Variants in AMZ2 observed in about 807,000 individuals in gnomAD.
AMZ2 encodes archaemetzincin-2.
A neutral mutation model predicts 36.7 loss-of-function variants in AMZ2; 26 were observed. The ratio of observed to expected loss-of-function variants is 0.71; its 90% CI spans 0.52 to 0.98. AMZ2 has a LOEUF of 0.98. Among genes scored for constraint, AMZ2 ranks in the 50% least tolerant of loss-of-function variants. The probability of loss-of-function intolerance (pLI) is 0.00; values close to 1 mark genes in which losing one functional copy is unlikely to be tolerated. For missense variants in AMZ2, 394 were observed against 430.5 expected (o/e 0.92, Z 0.75); for synonymous variants, 144 against 149.1 (o/e 0.97, Z 0.25).
intron 2 of AMZ2, 132 bp from the exon 3 acceptor site, chr17:68,250,662 C>A: frequency 8.6e-7 from 1 of 1,165,014 alleles, no homozygotes; most frequent in Non-Finnish European, 1.2e-6. Flanking sequence ...CATAGCAACA[C>A]CAATGAATGA....
chr17:68,230,416 C>T (rs2073630898), intron 1 of AMZ2, among the ~76,000 whole-genome samples: 1 of 152,230 alleles, frequency 6.6e-6, no homozygotes. Flanking sequence ...TGAGCCCCTC[C>T]ATGCGTGCCC....
In AMZ2 at chr17:68,248,437, T is replaced by C. The variant is rs3764855; in HGVS notation, c.-269T>C. 0.58 allele frequency: 569,525 copies of C among 986,050 alleles called. 168,696 individuals carry two copies. Among genetic ancestry groups the C allele is most frequent in the African/African-American group, 0.9 (51,871 of 57,338 alleles). The allele number at this position is 986,050 out of a possible 1,614,324, so 61.1% of individuals were successfully genotyped here. A position where few individuals can be genotyped will look rare whatever the true frequency, so the allele number is the denominator to read the frequency against. The stretch of plus-strand genomic sequence containing the variant: ...CAACCAGCCAGGGTGGCCAGCTCCT[T>C]CCCGTTTGCCCGTGATGTTCTGGTT... On this transcript the variant is annotated 5_prime_UTR_variant, in exon 1 of 7. Transcript: ENST00000359904.
At chr17:68,245,200 TAAA>T (rs71355810), upstream of AMZ2, among the ~76,000 whole-genome samples, 82 of 141,664 alleles carry the variant, frequency 5.8e-4, no homozygotes, top group Non-Finnish European at 1.1e-3. Context: ...CCTTCTAATG[TAAA>T]AAAAAAAAAA....
intron 6 of AMZ2, among the ~76,000 whole-genome samples, chr17:68,256,371 A>T (rs1415243461): frequency 6.6e-6 from 1 of 152,216 alleles, no homozygotes; most frequent in Non-Finnish European, 1.5e-5. Context: ...GTGTCTACTC[A>T]TGGGTATGAC....
chr17:68,214,676 AG>A (rs1794517386), intron 1 of AMZ2, among the ~76,000 whole-genome samples: 2 of 152,160 alleles, frequency 1.3e-5, no homozygotes, highest in Admixed American at 1.3e-4. Context: ...TTTTAGTTGG[AG>A]ATCAGACTTT....
At chr17:68,221,737 A>T (rs5821646) in intron 1 of AMZ2, among the ~76,000 whole-genome samples, 1 of 41,032 alleles carries the variant, frequency 2.4e-5, no homozygotes, top group East Asian at 8.7e-4. Context: ...TAAAAAAAAG[A>T]AAAAAAAAAA....
intron 4 of AMZ2, among the ~76,000 whole-genome samples, chr17:68,252,534 C>T (rs12936001): frequency 6.6e-6 from 1 of 152,150 alleles, no homozygotes; most frequent in Non-Finnish European, 1.5e-5. Flanking sequence ...GACAGAGTCT[C>T]CCTCTGTCAC....
upstream of AMZ2, among the ~76,000 whole-genome samples, chr17:68,246,193 T>TAAAAAAAA (rs2074001260): frequency 4.8e-5 from 1 of 20,848 alleles, no homozygotes; most frequent in African/African-American, 2.1e-4. Context: ...CTACTAAAAA[T>TAAAAAAAA]ACAAAAAAAA....
At chr17:68,254,331 C>T in intron 4 of AMZ2, 73 bp from the exon 5 acceptor site, 2 of 1,454,158 alleles carry the variant, frequency 1.4e-6, no homozygotes. Context: ...GATGGGCCAG[C>T]AGTCTCTTCT....
chr17:68,255,245 A>T (rs1555742082), intron 5 of AMZ2, among the ~76,000 whole-genome samples: 3 of 152,168 alleles, frequency 2.0e-5, no homozygotes, highest in African/African-American at 7.2e-5. Context: ...CAGCATCTCT[A>T]GGGGAAGAGC....
intron 1 of AMZ2, among the ~76,000 whole-genome samples, chr17:68,233,649 C>G (rs1376324252): frequency 1.3e-5 from 2 of 151,950 alleles, no homozygotes; most frequent in Admixed American, 6.6e-5. Context: ...ACATCATTCT[C>G]TCTATGAGCT....
chr17:68,247,805 G>A, upstream of AMZ2: 2 of 985,574 alleles, frequency 2.0e-6, no homozygotes, highest in Non-Finnish European at 2.4e-6. Flanking sequence ...GAGCGCAAGC[G>A]AGGAATCGGC....
intron 1 of AMZ2, among the ~76,000 whole-genome samples, chr17:68,225,061 G>A (rs1319635259): frequency 5.3e-5 from 8 of 151,790 alleles, no homozygotes; most frequent in East Asian, 3.9e-4. Flanking sequence ...GCATGCTGGC[G>A]TGCACCTGTA....
intron 1 of AMZ2, chr17:68,206,353 C>G (rs568770249): frequency 6.1e-5 from 67 of 1,089,686 alleles, no homozygotes; most frequent in Non-Finnish European, 7.1e-5. Flanking sequence ...CGCCTCCCCC[C>G]CAAACAGAGG....
At chr17:68,250,148 T>C in intron 1 of AMZ2, 40 bp from the exon 2 acceptor site, 1 of 1,584,004 alleles carries the variant, frequency 6.3e-7, no homozygotes, top group South Asian at 1.1e-5. Context: ...CCAATGTAGA[T>C]ATGTATTTTT....
rs1555741723 is a variant in AMZ2 at position 68,254,525 on chromosome 17, T to C, written c.708T>C (p.Tyr236=). Residue 236 remains tyrosine (Y), a synonymous_variant, in exon 5 of 7, where the codon TAT becomes TAC. Transcript: ENST00000359904. ...ACTATTCAATTTTCGACAACTATTA[T>C]ATTCCAGAAATAACTAGTGTTTTAC... is the stretch of plus-strand genomic sequence containing the variant. ...SSDYSIFDNY[Y]IPEITSVLLL... is the part of the protein sequence containing the mutation. 1.2e-6 allele frequency: 2 copies of C among 1,613,236 alleles called. No homozygotes were observed. The highest frequency in any genetic ancestry group is 1.7e-6 in the Non-Finnish European group (2 of 1,179,442).
chr17:68,219,121 G>A (rs1287729865), intron 1 of AMZ2, among the ~76,000 whole-genome samples: 1 of 152,014 alleles, frequency 6.6e-6, no homozygotes, highest in Non-Finnish European at 1.5e-5. Flanking sequence ...GGGATTACAG[G>A]TGCACCTGGC....
intron 1 of AMZ2, among the ~76,000 whole-genome samples, chr17:68,238,797 G>A (rs4968855): frequency 0.56 from 84,493 of 152,026 alleles, 24,510 homozygotes; most frequent in African/African-American, 0.73. Context: ...CATTTGTTCC[G>A]GGAAAGAGTA....
chr17:68,228,860 C>T (rs1462063774), intron 1 of AMZ2, among the ~76,000 whole-genome samples: 19 of 152,228 alleles, frequency 1.2e-4, no homozygotes, highest in Non-Finnish European at 2.2e-4. Flanking sequence ...ACATCCACAG[C>T]GGGATGCCTG....
Sources: allele counts gnomAD v4.1 joint callset (sites outside exome capture counted in the v4.1 genomes callset), GRCh38; gene constraint gnomAD v4.1.1; transcripts MANE v1.5; gene names NCBI Gene and HGNC (gene_info 2026-07-23, HGNC 2026-07-21).